The following CNTN4 variants were observed in gnomAD, a reference collection of about 807,000 sequenced individuals.
CNTN4 encodes the protein contactin 4.
CNTN4 carries 77 observed loss-of-function variants against 122.5 expected under a neutral mutation model. The ratio of observed to expected loss-of-function variants is 0.63; its 90% CI spans 0.52 to 0.76. The LOEUF (loss-of-function observed/expected upper bound fraction) is 0.76. Ranked by LOEUF, CNTN4 falls within the 30% of genes least tolerant of loss-of-function variation. The pLI, the probability that CNTN4 is intolerant of heterozygous loss-of-function variation, is 0.00. For missense variants in CNTN4, 1,256 were observed against 1,259.1 expected, an observed-to-expected ratio of 1.00 and a Z score of 0.04; for synonymous variants, 512 against 447.0, an observed-to-expected ratio of 1.15 and a Z score of -1.83.
intron 7 of CNTN4, among the ~76,000 whole-genome samples, chr3:2,866,179 ATTCTGT>A (rs1234976617): frequency 6.6e-6 from 1 of 152,186 alleles, no homozygotes; most frequent in East Asian, 1.9e-4. Context: ...CTCAGGAATT[ATTCTGT>A]TTCTAACTAG....
At chr3:2,460,921 G>T (rs767871007) in intron 3 of CNTN4, among the ~76,000 whole-genome samples, 1 of 152,112 alleles carries the variant, frequency 6.6e-6, no homozygotes, top group African/African-American at 2.4e-5. Flanking sequence ...TCCAGTTATG[G>T]AAGACGATAA....
chr3:2,760,329 C>G (rs1439494663), intron 6 of CNTN4, among the ~76,000 whole-genome samples: 1 of 152,140 alleles, frequency 6.6e-6, no homozygotes, highest in Non-Finnish European at 1.5e-5. Context: ...AGCTCTATCA[C>G]CCATTTTGAG....
chr3:2,887,797 C>G lies in CNTN4; in HGVS notation c.940+573C>G, dbSNP rs1215048204. Among the ~76,000 whole-genome samples, 4 of 152,110 alleles carry G rather than the reference C, an allele frequency of 2.6e-5. No homozygotes were observed. In the East Asian group the frequency reaches 7.7e-4, roughly 29 times the overall value. ...TTCCAATCAAATCATCAGCATTGAT[C>G]CAAACAATATAAATGTAAAACCACT... is the stretch of plus-strand genomic sequence containing the variant. On this transcript the variant is annotated intron_variant, in intron 10 of 24. Coordinates refer to ENST00000418658, the MANE Select transcript of CNTN4 (RefSeq NM_175607.3).
intron 3 of CNTN4, among the ~76,000 whole-genome samples, chr3:2,364,195 A>G (rs1213146013): frequency 1.3e-5 from 2 of 152,218 alleles, no homozygotes; most frequent in Non-Finnish European, 1.5e-5. Context: ...TGCTGAAACC[A>G]GCTGGCAGTA....
chr3:2,978,517 A>AT (rs1442341819), intron 13 of CNTN4, among the ~76,000 whole-genome samples: 1 of 152,230 alleles, frequency 6.6e-6, no homozygotes, highest in Non-Finnish European at 1.5e-5. Flanking sequence ...TGTTGCCAGT[A>AT]TTGCCCTATC....
At chr3:2,926,836 T>C (rs2094477584) in intron 13 of CNTN4, among the ~76,000 whole-genome samples, 1 of 152,208 alleles carries the variant, frequency 6.6e-6, no homozygotes, top group Non-Finnish European at 1.5e-5. Flanking sequence ...ATTTGTGGTA[T>C]ACATCCCTTT....
intron 13 of CNTN4, among the ~76,000 whole-genome samples, chr3:2,986,074 C>G (rs1355783660): frequency 2.0e-5 from 3 of 152,048 alleles, no homozygotes; most frequent in African/African-American, 7.2e-5. Context: ...GCCAGCACAC[C>G]TGGCTAATTT....
chr3:2,859,014 C>T (rs1022238935), intron 7 of CNTN4, among the ~76,000 whole-genome samples: 10 of 152,206 alleles, frequency 6.6e-5, no homozygotes, highest in African/African-American at 2.4e-4. Context: ...CTTATTCCTT[C>T]TGTCTGACTG....
At position 2,292,103 on chromosome 3, in the gene CNTN4, A is replaced by T. The variant is rs536742738; in HGVS notation, c.-144-47075A>T. ...TTAATCCATCACATAATTAACCGTT[A>T]AAATGTCTCATGCCCATTCCCTGTC... On this transcript the variant is annotated intron_variant, in intron 2 of 24. Transcript: ENST00000418658. Among the ~76,000 whole-genome samples the T allele has an allele frequency of 2.5e-3, 386 of 152,336 alleles. 1 individual carries two copies. The highest frequency in any genetic ancestry group is 0.01 in the Middle Eastern group (3 of 294).
chr3:2,823,868 C>T (rs2092929406), intron 7 of CNTN4, among the ~76,000 whole-genome samples: 1 of 152,122 alleles, frequency 6.6e-6, no homozygotes, highest in African/African-American at 2.4e-5. Flanking sequence ...GTCCAAGCAC[C>T]AGCAGCATTG....
At chr3:2,300,124 A>T (rs2042451098) in intron 2 of CNTN4, among the ~76,000 whole-genome samples, 1 of 152,188 alleles carries the variant, frequency 6.6e-6, no homozygotes, top group African/African-American at 2.4e-5. Flanking sequence ...GAGATAGATT[A>T]TTTATAGCCC....
intron 2 of CNTN4, among the ~76,000 whole-genome samples, chr3:2,174,244 A>T (rs2149256132): frequency 6.6e-6 from 1 of 152,316 alleles, no homozygotes; most frequent in African/African-American, 2.4e-5. Flanking sequence ...AACTGATTGT[A>T]AAATTGTAAT....
At chr3:2,170,944 A>C (rs903248808) in intron 2 of CNTN4, among the ~76,000 whole-genome samples, 1 of 152,220 alleles carries the variant, frequency 6.6e-6, no homozygotes, top group Non-Finnish European at 1.5e-5. Flanking sequence ...CACTTCAAAC[A>C]AAAGCACATT....
Position 2,866,846 on chromosome 3 carries a change from A to G in CNTN4, c.549A>G (p.Lys183=), listed in dbSNP as rs774923326. Residue 183 remains lysine (K), a synonymous_variant, in exon 8 of 25, where the codon AAA becomes AAG. Coordinates refer to ENST00000418658, the MANE Select transcript of CNTN4 (RefSeq NM_175607.3). ...AGACTGGGAATCTGTATATTGCCAAAGTAGAAAAATCAGATGTTGGGAATT... is the reference window on the plus strand; with the variant it reads ...AGACTGGGAATCTGTATATTGCCAAGGTAGAAAAATCAGATGTTGGGAATT... ...SQETGNLYIA[K]VEKSDVGNYT... is the part of the protein sequence containing the mutation. The G allele has an allele frequency of 1.4e-5, 22 of 1,614,046 alleles. No individual in the cohort carries two copies. Among genetic ancestry groups the G allele is most frequent in the South Asian group, 8.8e-5 (8 of 91,082 alleles).
At chr3:2,422,818 A>T (rs902556225) in intron 3 of CNTN4, among the ~76,000 whole-genome samples, 3 of 152,290 alleles carry the variant, frequency 2.0e-5, no homozygotes, top group Admixed American at 6.5e-5. Flanking sequence ...TTGCTTTATC[A>T]CATGTAGACA....
intron 8 of CNTN4, among the ~76,000 whole-genome samples, chr3:2,882,236 A>C (rs1416620772): frequency 6.6e-6 from 1 of 152,054 alleles, no homozygotes; most frequent in Non-Finnish European, 1.5e-5. Context: ...ATGGTGGTGC[A>C]CAACTGTAGT....
At position 3,023,296 on chromosome 3, in the gene CNTN4, T is replaced by C. The variant is rs1408096375; in HGVS notation, c.1487-2806T>C. On this transcript the variant is annotated intron_variant, in intron 14 of 24. Transcript: ENST00000418658. The stretch of plus-strand genomic sequence containing the variant: ...GCATTGATTCTTGCTGCTTTAAGGC[T>C]CAGAACATGAATCGGCGACAAGTGC... 2.0e-5 allele frequency among the ~76,000 whole-genome samples: 3 copies of C among 152,250 alleles called. No individual in the cohort carries two copies. In the East Asian group the frequency reaches 5.8e-4, roughly 29 times the overall value.
chr3:2,467,683 ATT>A (rs1303425995), intron 3 of CNTN4, among the ~76,000 whole-genome samples: 1 of 152,198 alleles, frequency 6.6e-6, no homozygotes, highest in Non-Finnish European at 1.5e-5. Flanking sequence ...ATAACTTATT[ATT>A]ATCAGTAATT....
At chr3:2,253,527 A>G (rs2040456466) in intron 2 of CNTN4, among the ~76,000 whole-genome samples, 1 of 152,168 alleles carries the variant, frequency 6.6e-6, no homozygotes, top group Non-Finnish European at 1.5e-5. Flanking sequence ...TCTACTGACT[A>G]ATTTTTCTTA....
Sources: gnomAD v4.1 joint callset for allele counts (sites outside exome capture counted in the v4.1 genomes callset) on GRCh38, gnomAD v4.1.1 for gene constraint, MANE v1.5 for transcripts, NCBI Gene and HGNC (gene_info 2026-07-23, HGNC 2026-07-21) for gene names.